Variants in MED12L observed in about 807,000 individuals in gnomAD.
The protein encoded by MED12L is mediator of RNA polymerase II transcription subunit 12-like protein.
Under a neutral mutation model 281.3 loss-of-function variants are expected in MED12L, and 60 were observed. The ratio of observed to expected loss-of-function variants is 0.21; its 90% CI spans 0.17 to 0.26. The LOEUF (loss-of-function observed/expected upper bound fraction) is 0.26, where lower values mean the gene tolerates loss of function less well. MED12L is among the 10% of genes least tolerant of loss of function. The probability of loss-of-function intolerance (pLI) is 1.00; values close to 1 mark genes in which losing one functional copy is unlikely to be tolerated. For synonymous variants in MED12L, 974 were observed against 987.2 expected, an observed-to-expected ratio of 0.99 and a Z score of 0.25; for missense variants, 2,146 against 2,680.9, an observed-to-expected ratio of 0.80 and a Z score of 4.41.
intron 16 of MED12L, among the ~76,000 whole-genome samples, chr3:151,254,133 C>T (rs1737371244): frequency 6.6e-6 from 1 of 151,730 alleles, no homozygotes; most frequent in African/African-American, 2.4e-5. Flanking sequence ...CTGGTAGCCA[C>T]CTCTTTTTCC....
intron 39 of MED12L, among the ~76,000 whole-genome samples, chr3:151,399,048 G>GAA (rs11451641): frequency 1.3e-5 from 2 of 151,716 alleles, no homozygotes; most frequent in Admixed American, 6.6e-5. Flanking sequence ...GGCGACTACT[G>GAA]AAAAAAAAGA....
At chr3:151,187,799 C>T (rs1723469923) in intron 12 of MED12L, among the ~76,000 whole-genome samples, 1 of 152,146 alleles carries the variant, frequency 6.6e-6, no homozygotes, top group Admixed American at 6.5e-5. Flanking sequence ...CATGTTTCTC[C>T]AAAAACACAA....
At chr3:151,108,880 G>C (rs753039142) in intron 2 of MED12L, among the ~76,000 whole-genome samples, 4 of 152,150 alleles carry the variant, frequency 2.6e-5, no homozygotes, top group Admixed American at 6.5e-5. Flanking sequence ...GAGTGCAAAA[G>C]AGCTTAAGAA....
intron 16 of MED12L, among the ~76,000 whole-genome samples, chr3:151,285,630 A>G (rs1189225017): frequency 2.0e-5 from 3 of 152,080 alleles, no homozygotes; most frequent in Non-Finnish European, 4.4e-5. Flanking sequence ...AATCACCGCT[A>G]AAGAACTTCT....
chr3:151,345,244 C>T (rs1219847432), intron 16 of MED12L, among the ~76,000 whole-genome samples: 2 of 152,184 alleles, frequency 1.3e-5, no homozygotes, highest in African/African-American at 2.4e-5. Context: ...GGTAGCCTGA[C>T]GTCTCCTGTA....
chr3:151,301,438 C>A (rs1426607394), intron 16 of MED12L, among the ~76,000 whole-genome samples: 4 of 152,058 alleles, frequency 2.6e-5, no homozygotes, highest in Non-Finnish European at 5.9e-5. Flanking sequence ...CTGACAGTTG[C>A]AGTAAGAGAG....
intron 16 of MED12L, among the ~76,000 whole-genome samples, chr3:151,248,681 A>C (rs1293070398): frequency 6.6e-6 from 1 of 152,168 alleles, no homozygotes; most frequent in Non-Finnish European, 1.5e-5. Context: ...GGATACTTAC[A>C]AGGAAAATTT....
In MED12L at chr3:151,425,565, T is replaced by TG. The variant is rs1270471260; in HGVS notation, c.6409-4734_6409-4733insG. ...TACAGTAAATACATTTTTGTTTTTG[T>TG]TTGTGTGTGTGTGTGTGTGTCTGTG... On this transcript the variant is annotated intron_variant, in intron 43 of 44. Transcript: ENST00000687756. The TG allele has an allele frequency of 4.8e-5, 18 of 372,424 alleles. No individual in the cohort carries two copies. The East Asian group carries it at 8.5e-4, about 18-fold the overall frequency. The allele number at this position is 372,424 out of a possible 1,614,324, so 23.1% of individuals were successfully genotyped here. A position where few individuals can be genotyped will look rare whatever the true frequency, so the allele number is the denominator to read the frequency against.
intron 16 of MED12L, chr3:151,213,594 C>G: frequency 6.2e-7 from 1 of 1,614,170 alleles, no homozygotes; most frequent in Non-Finnish European, 8.5e-7. Flanking sequence ...AGACAAAAAA[C>G]ACAAACACGA....
chr3:151,280,227 C>G (rs1441276355), intron 16 of MED12L, among the ~76,000 whole-genome samples: 1 of 152,166 alleles, frequency 6.6e-6, no homozygotes, highest in African/African-American at 2.4e-5. Context: ...AGCTAAAGGG[C>G]CCACCCAGGG....
In MED12L at chr3:151,178,157, CAAAAAA is replaced by C. The variant is rs10572929; in HGVS notation, c.1495-7151_1495-7146del. On this transcript the variant is annotated intron_variant, in intron 11 of 44. Coordinates refer to ENST00000687756, the MANE Select transcript of MED12L (RefSeq NM_001393769.1). ...TGGGCAACAGAATGAGACTTGGTCT[CAAAAAA>C]AAAAAAAAAAAAAAAAAAAAAGAAA... Among the ~76,000 whole-genome samples the C allele has an allele frequency of 4.9e-4, 24 of 49,122 alleles. 1 individual carries two copies. The highest frequency in any genetic ancestry group is 8.9e-4 in the Admixed American group (3 of 3,388). The allele number at this position is 49,122 out of a possible 152,430, so 32.2% of individuals were successfully genotyped here. A position where few individuals can be genotyped will look rare whatever the true frequency, so the allele number is the denominator to read the frequency against.
chr3:151,132,474 A>G (rs1407361959), intron 5 of MED12L, among the ~76,000 whole-genome samples: 1 of 152,106 alleles, frequency 6.6e-6, no homozygotes, highest in Non-Finnish European at 1.5e-5. Context: ...CCAGTTTCTC[A>G]TTAATAGATT....
At chr3:151,237,089 C>T (rs922040295) in intron 16 of MED12L, among the ~76,000 whole-genome samples, 1 of 144,026 alleles carries the variant, frequency 6.9e-6, no homozygotes, top group African/African-American at 2.6e-5. Context: ...CGCTCTGTTG[C>T]CCAGGCTGGA....
intron 16 of MED12L, among the ~76,000 whole-genome samples, chr3:151,310,539 G>T (rs886599042): frequency 1.7e-4 from 26 of 152,186 alleles, no homozygotes; most frequent in Non-Finnish European, 1.5e-5. Flanking sequence ...ATGGTGTTCT[G>T]TAGGCCAGCT....
chr3:151,109,554 T>C (rs77480585), intron 2 of MED12L, among the ~76,000 whole-genome samples: 6,367 of 152,286 alleles, frequency 0.042, 177 homozygotes, highest in Middle Eastern at 0.085. Flanking sequence ...ATTACTTTGT[T>C]GTAAATCTGT....
rs1420354246 is a variant in MED12L, at chr3:151,245,475, C to A, written c.2250+51809C>A. On this transcript the variant is annotated intron_variant, in intron 16 of 44. Transcript: ENST00000687756. ...CAAGGCTGGTTCAATATACACAAATCAATAAATGTAATCCAGCATATAAAC... is the reference window on the plus strand; with the variant it reads ...CAAGGCTGGTTCAATATACACAAATAAATAAATGTAATCCAGCATATAAAC... Among the ~76,000 whole-genome samples, 7 of 139,436 alleles carry A rather than the reference C, an allele frequency of 5.0e-5. No individual in the cohort carries two copies. The Admixed American group carries it at 5.1e-4, about 10-fold the overall frequency. The allele number at this position is 139,436 out of a possible 152,430, so 91.5% of individuals were successfully genotyped here.
chr3:151,182,888 T>C (rs904803015), intron 11 of MED12L, among the ~76,000 whole-genome samples: 20 of 152,212 alleles, frequency 1.3e-4, no homozygotes, highest in Admixed American at 9.8e-4. Context: ...TGCCTCTCAT[T>C]ACAGTTGGGA....
intron 11 of MED12L, among the ~76,000 whole-genome samples, chr3:151,181,782 C>T (rs1722733167): frequency 6.6e-6 from 1 of 151,776 alleles, no homozygotes; most frequent in African/African-American, 2.4e-5. Context: ...GATGGTGTTT[C>T]ACTATGTTGG....
intron 16 of MED12L, among the ~76,000 whole-genome samples, chr3:151,222,611 T>C (rs1349540931): frequency 3.3e-5 from 5 of 152,236 alleles, no homozygotes; most frequent in South Asian, 2.1e-4. Flanking sequence ...TCCACCATGA[T>C]TGTGAAGCCT....
Sources: gnomAD v4.1 joint callset for allele counts (sites outside exome capture counted in the v4.1 genomes callset) on GRCh38, gnomAD v4.1.1 for gene constraint, MANE v1.5 for transcripts, NCBI Gene and HGNC (gene_info 2026-07-23, HGNC 2026-07-21) for gene names.